The following GDA variants were observed in gnomAD, a reference collection of about 807,000 sequenced individuals.
The protein encoded by GDA is guanine deaminase.
Under a neutral mutation model 59.6 loss-of-function variants are expected in GDA, and 18 were observed. The ratio of observed to expected loss-of-function variants is 0.30; its 90% confidence interval spans 0.21 to 0.45. GDA has a LOEUF of 0.45. Ranked by LOEUF, GDA falls within the 20% of genes least tolerant of loss-of-function variation. The pLI is 1.00. For missense variants in GDA, 427 were observed against 552.3 expected (o/e 0.77, Z 2.27); for synonymous variants, 201 against 201.1 (o/e 1.00, Z 0.00).
chr9:72,257,516 T>G (rs532809083), downstream of GDA: 1 of 152,316 alleles, frequency 6.6e-6, no homozygotes, highest in South Asian at 2.1e-4. Context: ...CTCTACCCTC[T>G]CGCAAGCCTT....
chr9:72,161,345 A>T (rs1828612801), intron 1 of GDA, among the ~76,000 whole-genome samples: 1 of 152,202 alleles, frequency 6.6e-6, no homozygotes, highest in South Asian at 2.1e-4. Context: ...GGGCACTCTG[A>T]TGAATATTTC....
At chr9:72,226,189 A>C (rs893708205) in intron 8 of GDA, among the ~76,000 whole-genome samples, 1 of 152,134 alleles carries the variant, frequency 6.6e-6, no homozygotes, top group Non-Finnish European at 1.5e-5. Flanking sequence ...CTAAGAATTC[A>C]CTCTAAGTAA....
chr9:72,197,124 T>G (rs1181036409), intron 2 of GDA, among the ~76,000 whole-genome samples: 1 of 152,216 alleles, frequency 6.6e-6, no homozygotes, highest in Non-Finnish European at 1.5e-5. Context: ...ATCCACAGAC[T>G]GTACTGTAGC....
Position 72,250,069 on chromosome 9 carries a change from C to T in GDA, c.*1727C>T. 9 of 980,114 alleles carry T rather than the reference C, an allele frequency of 9.2e-6. No homozygotes were observed. The highest frequency in any genetic ancestry group is 1.1e-5 in the Non-Finnish European group (9 of 825,152). 60.7% of individuals were successfully genotyped at this position (980,114 alleles called of 1,614,324 possible). A position where few individuals can be genotyped will look rare whatever the true frequency, so the allele number is the denominator to read the frequency against. On this transcript the variant is annotated 3_prime_UTR_variant, in exon 14 of 14. Transcript: ENST00000358399. ...CAATTTCCAGTCTTAGTCTGTATTT[C>T]CAATATTTCTAATTCCTGAGCCACG...
At chr9:72,178,895 C>A (rs1361379258) in intron 1 of GDA, among the ~76,000 whole-genome samples, 1 of 152,034 alleles carries the variant, frequency 6.6e-6, no homozygotes, top group African/African-American at 2.4e-5. Context: ...TAAAAATTTT[C>A]TGATACATAA....
At chr9:72,132,096 A>G (rs1382389541) in intron 1 of GDA, among the ~76,000 whole-genome samples, 1 of 152,166 alleles carries the variant, frequency 6.6e-6, no homozygotes, top group African/African-American at 2.4e-5. Flanking sequence ...TGCCCCTATA[A>G]TTTAATCACC....
At chr9:72,190,903 G>C (rs1453905776) in intron 1 of GDA, among the ~76,000 whole-genome samples, 2 of 152,012 alleles carry the variant, frequency 1.3e-5, no homozygotes, top group African/African-American at 4.8e-5. Flanking sequence ...ATATATCTAT[G>C]AATGATTGTT....
intron 7 of GDA, 58 bp downstream of exon 7, chr9:72,223,285 C>T: frequency 1.1e-6 from 1 of 874,324 alleles, no homozygotes; most frequent in Non-Finnish European, 1.9e-6. Flanking sequence ...TCTCAGCACC[C>T]TTAAATCATC....
intron 1 of GDA, among the ~76,000 whole-genome samples, chr9:72,136,201 C>A (rs945195432): frequency 4.6e-5 from 7 of 152,116 alleles, no homozygotes; most frequent in African/African-American, 1.7e-4. Flanking sequence ...TGAATTCTAG[C>A]TAGATACTGT....
intron 8 of GDA, among the ~76,000 whole-genome samples, chr9:72,225,990 TG>T (rs1837516514): frequency 2.7e-5 from 1 of 37,632 alleles, no homozygotes; most frequent in African/African-American, 9.4e-5. Context: ...TAAAGCCTAG[TG>T]TGTGTGTGTG....
At chr9:72,245,855 A>G (rs372772876) in intron 12 of GDA, among the ~76,000 whole-genome samples, 214 of 152,296 alleles carry the variant, frequency 1.4e-3, no homozygotes, top group African/African-American at 4.9e-3. Flanking sequence ...ATGTTTTTCT[A>G]TGGATAAAAT....
At chr9:72,155,470 A>G (rs1827786832) in intron 1 of GDA, among the ~76,000 whole-genome samples, 1 of 152,208 alleles carries the variant, frequency 6.6e-6, no homozygotes, top group South Asian at 2.1e-4. Context: ...GAAGTAAAGA[A>G]GAGCCTTCTA....
At chr9:72,182,696 A>G (rs1463511511) in intron 1 of GDA, among the ~76,000 whole-genome samples, 2 of 152,174 alleles carry the variant, frequency 1.3e-5, no homozygotes, top group African/African-American at 4.8e-5. Context: ...TTTAGTGTTC[A>G]TTGATGATTT....
At chr9:72,164,358 A>C (rs1829029067) in intron 1 of GDA, among the ~76,000 whole-genome samples, 1 of 152,180 alleles carries the variant, frequency 6.6e-6, no homozygotes, top group Non-Finnish European at 1.5e-5. Context: ...GTGTCATGTT[A>C]CTGAGACATA....
intron 10 of GDA, among the ~76,000 whole-genome samples, chr9:72,232,582 T>C (rs1838479150): frequency 6.6e-6 from 1 of 152,204 alleles, no homozygotes; most frequent in Non-Finnish European, 1.5e-5. Context: ...GGTTACACAC[T>C]ATAGTCAGTT....
At chr9:72,124,012 G>A (rs1318442788) in intron 1 of GDA, among the ~76,000 whole-genome samples, 1 of 152,220 alleles carries the variant, frequency 6.6e-6, no homozygotes, top group Non-Finnish European at 1.5e-5. Flanking sequence ...CTGCCATTAG[G>A]TGAGTGGAAC....
At chr9:72,235,899 A>G (rs1045745708) in intron 10 of GDA, among the ~76,000 whole-genome samples, 18 of 152,186 alleles carry the variant, frequency 1.2e-4, no homozygotes, top group African/African-American at 4.1e-4. Flanking sequence ...AAACATATAG[A>G]ACAAGTTTAC....
intron 1 of GDA, among the ~76,000 whole-genome samples, chr9:72,180,687 G>T (rs13292781): frequency 2.6e-5 from 4 of 152,118 alleles, no homozygotes; most frequent in African/African-American, 9.7e-5. Flanking sequence ...ATTTCACTCC[G>T]AGCTTGGTGT....
In GDA at chr9:72,149,700, C is replaced by T. The variant is rs1209128114; in HGVS notation, c.123+18C>T. On this transcript the variant is annotated intron_variant, in intron 1 of 13. Coordinates refer to ENST00000358399, the MANE Select transcript of GDA (RefSeq NM_004293.5). ...GCGGCAAAGTAAGCAGGCGCGGGGT[C>T]GAGCGCACTCCGACGGGCGGGAGGA... 15 of 1,583,682 alleles carry T rather than the reference C, an allele frequency of 9.5e-6. No homozygotes were observed. Among genetic ancestry groups the T allele is most frequent in the African/African-American group, 6.9e-5 (5 of 72,114 alleles).
Sources: gnomAD v4.1 joint callset for allele counts (sites outside exome capture counted in the v4.1 genomes callset) on GRCh38, gnomAD v4.1.1 for gene constraint, MANE v1.5 for transcripts, NCBI Gene and HGNC (gene_info 2026-07-23, HGNC 2026-07-21) for gene names.